Variants in RB1CC1 observed in about 807,000 individuals in gnomAD.
The protein encoded by RB1CC1 is RB1-inducible coiled-coil protein 1.
RB1CC1 carries 46 observed loss-of-function variants against 177.5 expected under a neutral mutation model. The ratio of observed to expected loss-of-function variants is 0.26; its 90% CI spans 0.20 to 0.33. The LOEUF is 0.33. RB1CC1 is among the 10% of genes least tolerant of loss of function. The pLI, the probability that RB1CC1 is intolerant of heterozygous loss-of-function variation, is 1.00. For missense variants in RB1CC1, 1,703 were observed against 1,816.3 expected (o/e 0.94, Z 1.13); for synonymous variants, 666 against 613.6 (o/e 1.09, Z -1.26).
At chr8:52,629,421 C>G (rs1848609085) in intron 21 of RB1CC1, among the ~76,000 whole-genome samples, 1 of 152,126 alleles carries the variant, frequency 6.6e-6, no homozygotes. Flanking sequence ...TTAAACCATT[C>G]AATTGATAAA....
intron 18 of RB1CC1, among the ~76,000 whole-genome samples, chr8:52,640,333 T>C (rs955022387): frequency 6.6e-6 from 1 of 152,196 alleles, no homozygotes; most frequent in Admixed American, 6.5e-5. Context: ...TGGTGTTCAA[T>C]AATGTACTGC....
Position 52,676,544 on chromosome 8 carries a change from A to T in RB1CC1, c.397T>A (p.Cys133Ser). Reference sequence around the variant, plus strand: ...TGTACAAGACCTTCACAAAAAGAACAAAGTTTCTTGGCAACTTCATACATT... The same window carrying T: ...TGTACAAGACCTTCACAAAAAGAACTAAGTTTCTTGGCAACTTCATACATT... ...LEMYEVAKKL[C>S]SFCEGLVHDE... is the part of the protein sequence containing the mutation. Residue 133 changes from cysteine (C) to serine (S), a missense_variant, in exon 6 of 24, where the codon TGT becomes AGT. This residue lies in a region of RB1CC1 where 315 missense variants were observed against 304.9 expected (regional missense o/e 1.03). Transcript: ENST00000025008. 1.2e-6 allele frequency: 2 copies of T among 1,606,256 alleles called. No homozygotes were observed. Among genetic ancestry groups the T allele is most frequent in the Non-Finnish European group, 1.7e-6 (2 of 1,178,114 alleles).
intron 1 of RB1CC1, among the ~76,000 whole-genome samples, chr8:52,713,664 C>G (rs1857245533): frequency 6.6e-6 from 1 of 152,234 alleles, no homozygotes; most frequent in Non-Finnish European, 1.5e-5. Context: ...CAGCGATGAG[C>G]ACAAGTCAAG....
At chr8:52,708,299 A>G (rs546136891) in intron 1 of RB1CC1, among the ~76,000 whole-genome samples, 26 of 151,922 alleles carry the variant, frequency 1.7e-4, no homozygotes, top group East Asian at 7.8e-4. Context: ...GGTGGATCAC[A>G]AGGTAAGGAG....
chr8:52,691,761 A>G (rs1275366910), intron 1 of RB1CC1, among the ~76,000 whole-genome samples: 1 of 152,222 alleles, frequency 6.6e-6, no homozygotes, highest in Non-Finnish European at 1.5e-5. Flanking sequence ...CCCAAGAACA[A>G]CAGAGAAAAA....
At chr8:52,654,704 G>C (rs1293119574) in intron 15 of RB1CC1, among the ~76,000 whole-genome samples, 2 of 152,190 alleles carry the variant, frequency 1.3e-5, no homozygotes, top group Non-Finnish European at 2.9e-5. Flanking sequence ...CTGTCCAGCT[G>C]TATCAAGTGT....
intron 1 of RB1CC1, among the ~76,000 whole-genome samples, chr8:52,693,456 C>T (rs1018526677): frequency 3.3e-5 from 5 of 151,558 alleles, no homozygotes; most frequent in African/African-American, 1.2e-4. Flanking sequence ...AGCCAACAAA[C>T]ATGAAAAAAA....
intron 1 of RB1CC1, among the ~76,000 whole-genome samples, chr8:52,697,295 TAAA>T (rs35428453): frequency 5.7e-5 from 5 of 87,926 alleles, no homozygotes; most frequent in Non-Finnish European, 4.8e-5. Context: ...AAATGGTTAC[TAAA>T]AAAAAAAAAA....
chr8:52,668,297 T>C, intron 7 of RB1CC1, 106 bp from the exon 8 acceptor site: 7 of 1,317,190 alleles, frequency 5.3e-6, no homozygotes, highest in Middle Eastern at 2.7e-4. Flanking sequence ...TGATAAAAGA[T>C]ATAAAAAAGC....
At chr8:52,642,669 A>G (rs995542699) in intron 17 of RB1CC1, 35 bp downstream of exon 17, 15 of 1,570,594 alleles carry the variant, frequency 9.6e-6, no homozygotes, top group Non-Finnish European at 1.3e-5. Context: ...TTCCACTTTA[A>G]AAAATTAAAA....
Position 52,642,524 on chromosome 8 carries a change from T to A in RB1CC1, c.4164A>T (p.Glu1388Asp), listed in dbSNP as rs1452847990. The change falls in exon 18 of 24, where the codon GAA becomes GAT. Residue 1388 changes from glutamate (E) to aspartate (D), a missense_variant. Glu to Asp is a conservative substitution (Grantham distance 45, BLOSUM62 2). Transcript: ENST00000025008. Reference sequence around the variant, plus strand: ...AACTGCTACTACGCAACTTACTGACTTCTTCTTCAAGCTTTTTCTTTTCCT... The same window carrying A: ...AACTGCTACTACGCAACTTACTGACATCTTCTTCAAGCTTTTTCTTTTCCT... The part of the protein sequence containing the change: ...LLEEKKKLEE[E>D]VSKLRSSSFV... 11 of 1,613,892 alleles carry A rather than the reference T, an allele frequency of 6.8e-6. No homozygotes were observed. Among genetic ancestry groups the A allele is most frequent in the Non-Finnish European group, 9.3e-6 (11 of 1,179,960 alleles).
chr8:52,706,862 A>G (rs1856608689), intron 1 of RB1CC1, among the ~76,000 whole-genome samples: 1 of 151,826 alleles, frequency 6.6e-6, no homozygotes, highest in Non-Finnish European at 1.5e-5. Context: ...GGGTTTCGCC[A>G]TGCTGGCCAG....
chr8:52,670,729 G>A (rs1477620689), intron 7 of RB1CC1, among the ~76,000 whole-genome samples: 1 of 152,174 alleles, frequency 6.6e-6, no homozygotes, highest in Non-Finnish European at 1.5e-5. Context: ...GCTCACACCT[G>A]TAATCCCAGC....
intron 1 of RB1CC1, among the ~76,000 whole-genome samples, chr8:52,698,086 A>AT (rs1855610856): frequency 1.3e-5 from 2 of 152,076 alleles, no homozygotes; most frequent in Admixed American, 6.6e-5. Context: ...TTATTTATAC[A>AT]TTTTTTAAGA....
intron 22 of RB1CC1, among the ~76,000 whole-genome samples, chr8:52,627,480 A>G (rs1017023057): frequency 2.8e-4 from 42 of 152,200 alleles, no homozygotes; most frequent in Admixed American, 2.8e-3. Flanking sequence ...ACTTAGGCTA[A>G]GTACACCAGG....
At chr8:52,707,026 A>G (rs1307412854) in intron 1 of RB1CC1, among the ~76,000 whole-genome samples, 1 of 152,178 alleles carries the variant, frequency 6.6e-6, no homozygotes. Context: ...ATTTGGAATC[A>G]AAAGAAGTAT....
intron 21 of RB1CC1, 116 bp downstream of exon 21, chr8:52,630,354 G>A: frequency 2.3e-6 from 3 of 1,282,900 alleles, no homozygotes; most frequent in Non-Finnish European, 2.1e-6. Flanking sequence ...ACTACTGAGT[G>A]CAAAACACTC....
chr8:52,691,657 T>C (rs1482466254), intron 1 of RB1CC1, among the ~76,000 whole-genome samples: 4 of 152,214 alleles, frequency 2.6e-5, no homozygotes, highest in African/African-American at 9.7e-5. Context: ...TCATCCATTG[T>C]GTATAGTCCT....
Position 52,669,599 on chromosome 8 carries a change from A to T in RB1CC1, c.1003-1408T>A, listed in dbSNP as rs1036786118. On this transcript the variant is annotated intron_variant, in intron 7 of 23. Coordinates refer to ENST00000025008, the MANE Select transcript of RB1CC1 (RefSeq NM_014781.5). ...ACAAAACCATTATTTCAGAATAGGC[A>T]CCACTAGTTTTGCACAATGTTGTCT... Among the ~76,000 whole-genome samples the T allele has an allele frequency of 7.9e-5, 12 of 152,306 alleles. No individual in the cohort carries two copies. In the East Asian group the frequency reaches 2.3e-3, roughly 29 times the overall value.
Sources: allele counts gnomAD v4.1 joint callset (sites outside exome capture counted in the v4.1 genomes callset), GRCh38; gene constraint gnomAD v4.1.1; regional missense constraint gnomAD v4.1.1; transcripts MANE v1.5; gene names NCBI Gene and HGNC (gene_info 2026-07-23, HGNC 2026-07-21).